Variants in SORCS3 observed in about 807,000 individuals in gnomAD.
SORCS3 encodes VPS10 domain-containing receptor SorCS3.
Under a neutral mutation model 146.3 loss-of-function variants are expected in SORCS3, and 57 were observed. The observed-to-expected ratio is 0.39, with a 90% CI of 0.31 to 0.49. SORCS3 has a LOEUF of 0.49. Among genes scored for constraint, SORCS3 ranks in the 20% least tolerant of loss-of-function variants. The pLI is 0.92. For missense variants in SORCS3, 1,341 were observed against 1,575.5 expected, an observed-to-expected ratio of 0.85 and a Z score of 2.52; for synonymous variants, 653 against 618.5, an observed-to-expected ratio of 1.06 and a Z score of -0.83.
At chr10:105,091,189 CTCCT>C (rs1371767997) in intron 6 of SORCS3, among the ~76,000 whole-genome samples, 6 of 111,942 alleles carry the variant, frequency 5.4e-5, no homozygotes, top group African/African-American at 1.3e-4. Flanking sequence ...TCCTTCATCC[CTCCT>C]TCCTTCCTTC....
intron 11 of SORCS3, among the ~76,000 whole-genome samples, chr10:105,162,877 A>T (rs1024984304): frequency 6.6e-6 from 1 of 152,142 alleles, no homozygotes; most frequent in Non-Finnish European, 1.5e-5. Flanking sequence ...ACATCTGTTG[A>T]TCACCACCAC....
In SORCS3 at chr10:104,806,640, A is replaced by G. The variant is rs139485680; in HGVS notation, c.628-36152A>G. Among the ~76,000 whole-genome samples, 850 of 152,384 alleles carry G rather than the reference A, an allele frequency of 5.6e-3. 14 individuals carry two copies. Among genetic ancestry groups the G allele is most frequent in the African/African-American group, 0.019 (793 of 41,594 alleles). ...TAAGTTTTGTTTCATAATAACAATA[A>G]TGACCATTTTGAAGGCTTTGTGGAA... is the stretch of plus-strand genomic sequence containing the variant. On this transcript the variant is annotated intron_variant, in intron 1 of 26. Transcript: ENST00000369701.
chr10:104,983,280 G>C (rs2054942078), intron 4 of SORCS3, among the ~76,000 whole-genome samples: 1 of 151,528 alleles, frequency 6.6e-6, no homozygotes, highest in African/African-American at 2.4e-5. Flanking sequence ...GAATTTACAG[G>C]TGTGAACCAT....
chr10:105,035,173 A>C (rs1038729481), intron 4 of SORCS3, among the ~76,000 whole-genome samples: 1 of 152,182 alleles, frequency 6.6e-6, no homozygotes, highest in African/African-American at 2.4e-5. Context: ...GTTTTTCTGG[A>C]GGGTCTGCTT....
intron 20 of SORCS3, among the ~76,000 whole-genome samples, chr10:105,235,436 C>CTGTGTGTGTGTGTGTGTGTGTGTG (rs5787570): frequency 7.1e-6 from 1 of 141,234 alleles, no homozygotes; most frequent in African/African-American, 2.6e-5. Context: ...AACTCTCAGA[C>CTGTGTGTGTGTGTGTGTGTGTGTG]TGTGTGTGTG....
chr10:105,113,386 A>C (rs2055871871), intron 7 of SORCS3, among the ~76,000 whole-genome samples: 1 of 151,838 alleles, frequency 6.6e-6, no homozygotes, highest in Non-Finnish European at 1.5e-5. Flanking sequence ...GTACAGTTTA[A>C]ATAATGAAAA....
chr10:104,868,007 T>C (rs1349301047), intron 2 of SORCS3, among the ~76,000 whole-genome samples: 6 of 152,220 alleles, frequency 3.9e-5, no homozygotes, highest in Non-Finnish European at 8.8e-5. Flanking sequence ...CTGTATTCAT[T>C]AGCATGCAGG....
chr10:104,727,482 A>G (rs2016650228), intron 1 of SORCS3, among the ~76,000 whole-genome samples: 1 of 152,008 alleles, frequency 6.6e-6, no homozygotes, highest in South Asian at 2.1e-4. Context: ...TGTCTTTAAA[A>G]AAAACTTGGA....
intron 1 of SORCS3, among the ~76,000 whole-genome samples, chr10:104,737,459 C>T (rs1008091003): frequency 6.6e-6 from 1 of 152,170 alleles, no homozygotes; most frequent in Non-Finnish European, 1.5e-5. Flanking sequence ...TGACTTTTTA[C>T]TGATGGCCAT....
At chr10:104,643,709 G>GGTGT (rs3069967) in intron 1 of SORCS3, among the ~76,000 whole-genome samples, 13,103 of 144,538 alleles carry the variant, frequency 0.091, 712 homozygotes, top group South Asian at 0.22. Context: ...TGATAATTAG[G>GGTGT]GTGTGTGTGT....
chr10:105,020,214 A>G (rs1303360894), intron 4 of SORCS3, among the ~76,000 whole-genome samples: 1 of 152,156 alleles, frequency 6.6e-6, no homozygotes, highest in Non-Finnish European at 1.5e-5. Context: ...GGCTGTTCAT[A>G]TACCTGTCAC....
chr10:104,951,364 G>T (rs1158075486), intron 3 of SORCS3, among the ~76,000 whole-genome samples: 2 of 151,926 alleles, frequency 1.3e-5, no homozygotes, highest in African/African-American at 4.8e-5. Context: ...TCAGTGTCTT[G>T]CTCTGTTGCC....
intron 3 of SORCS3, among the ~76,000 whole-genome samples, chr10:104,945,966 A>G (rs1336840036): frequency 6.6e-6 from 1 of 152,062 alleles, no homozygotes; most frequent in Non-Finnish European, 1.5e-5. Context: ...GGCTTCAGGA[A>G]GACCTGAGTT....
chr10:105,084,695 G>A (rs2055647314), intron 5 of SORCS3, among the ~76,000 whole-genome samples: 1 of 151,890 alleles, frequency 6.6e-6, no homozygotes, highest in Admixed American at 6.6e-5. Context: ...AGTGCAAGCA[G>A]CAATTAAGCG....
At chr10:104,984,138 TA>T (rs766751947) in intron 4 of SORCS3, among the ~76,000 whole-genome samples, 4 of 152,070 alleles carry the variant, frequency 2.6e-5, no homozygotes, top group Non-Finnish European at 5.9e-5. Context: ...AGATAGAAAA[TA>T]AGTTTTCTCA....
chr10:104,940,236 A>AT (rs1156750677), intron 3 of SORCS3, among the ~76,000 whole-genome samples: 6 of 23,612 alleles, frequency 2.5e-4, no homozygotes, highest in Non-Finnish European at 5.2e-4. Context: ...ATATATATAT[A>AT]TATTTTTTTT....
chr10:105,157,373 T>C (rs2056220215), intron 10 of SORCS3, 89 bp downstream of exon 10: 1 of 1,511,786 alleles, frequency 6.6e-7, no homozygotes. Context: ...CAAAGGGTCT[T>C]AGGAACTCAG....
intron 1 of SORCS3, among the ~76,000 whole-genome samples, chr10:104,745,693 A>G (rs1216377657): frequency 6.6e-6 from 1 of 152,168 alleles, no homozygotes; most frequent in South Asian, 2.1e-4. Flanking sequence ...TATTCATCTT[A>G]TATCACTGAA....
intron 1 of SORCS3, among the ~76,000 whole-genome samples, chr10:104,809,760 T>C (rs533420291): frequency 6.6e-6 from 1 of 152,216 alleles, no homozygotes; most frequent in Non-Finnish European, 1.5e-5. Context: ...AGCATTATTT[T>C]GTCGTCTGTT....
Sources: gnomAD v4.1 joint callset for allele counts (sites outside exome capture counted in the v4.1 genomes callset) on GRCh38, gnomAD v4.1.1 for gene constraint, MANE v1.5 for transcripts, NCBI Gene and HGNC (gene_info 2026-07-23, HGNC 2026-07-21) for gene names.